ANKRD55: variants seen among roughly 807,000 people sequenced by gnomAD.
ANKRD55 encodes ankyrin repeat domain 55.
In ANKRD55, 41 loss-of-function variants were observed where a neutral mutation model predicts 60.6. The observed-to-expected ratio is 0.68, with a 90% confidence interval of 0.53 to 0.88. The LOEUF (loss-of-function observed/expected upper bound fraction) is 0.88, where lower values mean the gene tolerates loss of function less well. ANKRD55 is among the 40% of genes least tolerant of loss of function. The pLI is 0.00. For synonymous variants in ANKRD55, 264 were observed against 290.3 expected, an observed-to-expected ratio of 0.91 and a Z score of 0.92; for missense variants, 732 against 767.6, an observed-to-expected ratio of 0.95 and a Z score of 0.55.
intron 7 of ANKRD55, 62 bp from the exon 8 acceptor site, chr5:56,127,168 A>C: frequency 7.4e-7 from 1 of 1,351,928 alleles, no homozygotes; most frequent in Non-Finnish European, 9.6e-7. Context: ...CTGTCTAGGC[A>C]TGTTAAGATA....
chr5:56,127,270 A>G lies in ANKRD55; in HGVS notation c.613-164T>C, dbSNP rs894248098. 7.2e-6 allele frequency: 6 copies of G among 836,496 alleles called. No homozygotes were observed. The African/African-American group carries it at 1.0e-4, about 14-fold the overall frequency. The allele number at this position is 836,496 out of a possible 1,614,324, so 51.8% of individuals were successfully genotyped here. On this transcript the variant is annotated intron_variant, in intron 7 of 11. Transcript: ENST00000341048. ...AAAAAAAAGAATAAAAATACACTCT[A>G]TCTAAGCTCTCCAACAAGTGTCCAC...
At chr5:56,202,543 GAGA>G (rs1194477952) in intron 2 of ANKRD55, among the ~76,000 whole-genome samples, 1 of 152,206 alleles carries the variant, frequency 6.6e-6, no homozygotes, top group Admixed American at 6.5e-5. Flanking sequence ...TCAGTCATAT[GAGA>G]AGAAGAGAGT....
rs79286580 is a variant in ANKRD55, at chr5:56,178,163, C to G, written c.182-1881G>C. On this transcript the variant is annotated intron_variant, in intron 3 of 11. Transcript: ENST00000341048. ...TAAACAGCAATTCTGAAATGCATAA[C>G]CAAATGATTACTGAACAAATCTTTT... Among the ~76,000 whole-genome samples the G allele has an allele frequency of 6.4e-4, 98 of 152,014 alleles. No individual in the cohort carries two copies. In the East Asian group the frequency reaches 0.013, roughly 21 times the overall value.
chr5:56,182,406 AT>A (rs1474331349), intron 3 of ANKRD55, among the ~76,000 whole-genome samples: 1 of 151,884 alleles, frequency 6.6e-6, no homozygotes, highest in Non-Finnish European at 1.5e-5. Context: ...TGATGATTGT[AT>A]TTTTGATTTT....
chr5:56,216,135 T>A (rs753682356), intron 2 of ANKRD55, among the ~76,000 whole-genome samples: 2 of 152,002 alleles, frequency 1.3e-5, no homozygotes, highest in Non-Finnish European at 2.9e-5. Flanking sequence ...AGGAAATAGA[T>A]GTGAATATTT....
chr5:56,184,706 TG>T (rs1758929138), intron 2 of ANKRD55, among the ~76,000 whole-genome samples: 1 of 151,974 alleles, frequency 6.6e-6, no homozygotes, highest in African/African-American at 2.4e-5. Flanking sequence ...GAGATCAGCC[TG>T]GGCAACACAG....
chr5:56,206,486 T>C (rs1013922833), intron 2 of ANKRD55, among the ~76,000 whole-genome samples: 3 of 152,352 alleles, frequency 2.0e-5, no homozygotes, highest in Middle Eastern at 3.4e-3. Context: ...ACTTGACTTA[T>C]GCTGCAGGAT....
At chr5:56,139,893 G>A (rs1444701643) in intron 7 of ANKRD55, among the ~76,000 whole-genome samples, 10 of 152,040 alleles carry the variant, frequency 6.6e-5, no homozygotes. Flanking sequence ...GCAACATGGT[G>A]AGACTTTGTC....
At chr5:56,214,508 T>G (rs1367411308) in intron 2 of ANKRD55, among the ~76,000 whole-genome samples, 1 of 152,196 alleles carries the variant, frequency 6.6e-6, no homozygotes, top group Non-Finnish European at 1.5e-5. Flanking sequence ...CAATCTTTTG[T>G]AGTATAATCA....
intron 2 of ANKRD55, among the ~76,000 whole-genome samples, chr5:56,187,879 C>T (rs1759009882): frequency 6.7e-6 from 1 of 150,254 alleles, no homozygotes; most frequent in Non-Finnish European, 1.5e-5. Flanking sequence ...TGGAAGCCCC[C>T]CGCCACCATC....
Position 56,156,108 on chromosome 5 carries a change from C to T in ANKRD55, c.483+3725G>A, listed in dbSNP as rs114340401. Among the ~76,000 whole-genome samples, 203 of 152,124 alleles carry T rather than the reference C, an allele frequency of 1.3e-3. 3 individuals are homozygous for T. Among genetic ancestry groups the T allele is most frequent in the African/African-American group, 4.3e-3 (180 of 41,510 alleles). On this transcript the variant is annotated intron_variant, in intron 6 of 11. Coordinates refer to ENST00000341048, the MANE Select transcript of ANKRD55 (RefSeq NM_024669.3). Reference sequence around the variant, plus strand: ...TGCCCATGGTGTGGAAGCAGGCAGCCGGAGTGGCGGAGTCCATGTGTATGA... The same window carrying T: ...TGCCCATGGTGTGGAAGCAGGCAGCTGGAGTGGCGGAGTCCATGTGTATGA...
At chr5:56,135,531 T>A (rs7704505) in intron 7 of ANKRD55, among the ~76,000 whole-genome samples, 134,367 of 151,628 alleles carry the variant, frequency 0.89, 59,893 homozygotes, top group African/African-American at 0.94. Flanking sequence ...CACCACACCC[T>A]GCTAGTTTTT....
At chr5:56,110,863 C>T (rs1756668601) in intron 10 of ANKRD55, among the ~76,000 whole-genome samples, 1 of 152,136 alleles carries the variant, frequency 6.6e-6, no homozygotes, top group African/African-American at 2.4e-5. Context: ...TGGTACATAC[C>T]ACACATATTT....
At chr5:56,164,746 C>A (rs1248580657) in intron 5 of ANKRD55, among the ~76,000 whole-genome samples, 1 of 152,128 alleles carries the variant, frequency 6.6e-6, no homozygotes, top group African/African-American at 2.4e-5. Context: ...GCAAGAAAAG[C>A]CTTGGGGAGC....
At chr5:56,224,875 C>G (rs906512457) in intron 2 of ANKRD55, among the ~76,000 whole-genome samples, 82 of 152,102 alleles carry the variant, frequency 5.4e-4, no homozygotes, top group African/African-American at 1.9e-3. Context: ...CAGGACCAGA[C>G]AGATTCACAG....
chr5:56,191,785 G>T (rs1759099035), intron 2 of ANKRD55, among the ~76,000 whole-genome samples: 1 of 152,158 alleles, frequency 6.6e-6, no homozygotes, highest in Non-Finnish European at 1.5e-5. Context: ...TTCTGGCCCT[G>T]CGATGTACAC....
At chr5:56,222,299 GA>G (rs1168622864) in intron 2 of ANKRD55, among the ~76,000 whole-genome samples, 1 of 152,172 alleles carries the variant, frequency 6.6e-6, no homozygotes, top group Non-Finnish European at 1.5e-5. Context: ...CTGTTAGAAG[GA>G]AAACTAAGAA....
Position 56,111,112 on chromosome 5 carries a change from C to T in ANKRD55, c.1630+6G>A. The T allele has an allele frequency of 1.2e-6, 2 of 1,609,852 alleles. No individual in the cohort carries two copies. Among genetic ancestry groups the T allele is most frequent in the Non-Finnish European group, 1.7e-6 (2 of 1,177,584 alleles). On this transcript the variant is annotated splice_donor_region_variant and intron_variant, in intron 10 of 11. Transcript: ENST00000341048. ...CTGAGAATGAACATGAAATCAAGGA[C>T]ATTACCTGATGATGGATTATGTAGA...
intron 3 of ANKRD55, among the ~76,000 whole-genome samples, chr5:56,181,921 T>C (rs1346013337): frequency 6.6e-6 from 1 of 152,200 alleles, no homozygotes; most frequent in Non-Finnish European, 1.5e-5. Context: ...TGAATTCTAT[T>C]TGCTAATATT....
Sources: gnomAD v4.1 joint callset for allele counts (sites outside exome capture counted in the v4.1 genomes callset) on GRCh38, gnomAD v4.1.1 for gene constraint, MANE v1.5 for transcripts, NCBI Gene and HGNC (gene_info 2026-07-23, HGNC 2026-07-21) for gene names.